ZNF608: variants seen among roughly 807,000 people sequenced by gnomAD.
ZNF608 encodes zinc finger protein 608, also known as renal carcinoma antigen NY-REN-36.
In ZNF608, 12 loss-of-function variants were observed where a neutral mutation model predicts 109.0. That is an observed-to-expected ratio of 0.11 (90% CI 0.07 to 0.18). The LOEUF is 0.18. Among genes scored for constraint, ZNF608 ranks in the 10% least tolerant of loss-of-function variants. ZNF608 has a pLI of 1.00. For missense variants in ZNF608, 1,707 were observed against 1,879.3 expected (o/e 0.91, Z 1.70); for synonymous variants, 732 against 717.4 (o/e 1.02, Z -0.33).
chr5:124,650,621 T>C (rs1274722152), intron 3 of ZNF608, among the ~76,000 whole-genome samples: 1 of 152,230 alleles, frequency 6.6e-6, no homozygotes, highest in Admixed American at 6.5e-5. Context: ...ATCCTCTTTA[T>C]TTCTGAGAGG....
chr5:124,640,185 C>G (rs1003465487), intron 8 of ZNF608, among the ~76,000 whole-genome samples: 2 of 152,168 alleles, frequency 1.3e-5, no homozygotes, highest in Non-Finnish European at 2.9e-5. Flanking sequence ...TATTATCTTA[C>G]TTTCTATTCA....
intron 2 of ZNF608, among the ~76,000 whole-genome samples, chr5:124,739,752 C>T (rs956301476): frequency 1.3e-5 from 2 of 152,164 alleles, no homozygotes; most frequent in Non-Finnish European, 2.9e-5. Flanking sequence ...AAAGAATACA[C>T]GCGCACACAC....
chr5:124,704,115 T>C (rs1753164222), intron 2 of ZNF608, among the ~76,000 whole-genome samples: 2 of 152,194 alleles, frequency 1.3e-5, no homozygotes, highest in African/African-American at 4.8e-5. Context: ...TCAACATGTT[T>C]TAAAATGAGA....
chr5:124,713,014 G>C (rs545064205), intron 2 of ZNF608, among the ~76,000 whole-genome samples: 1 of 152,106 alleles, frequency 6.6e-6, no homozygotes, highest in Non-Finnish European at 1.5e-5. Flanking sequence ...AATAACAAAA[G>C]TAATGGGGAT....
Position 124,644,530 on chromosome 5 carries a change from ACT to A in ZNF608, c.3835_3836del (p.Ser1279TrpfsTer13). The A allele has an allele frequency of 6.2e-7, 1 of 1,613,570 alleles. No homozygotes were observed. The highest frequency in any genetic ancestry group is 8.5e-7 in the Non-Finnish European group (1 of 1,179,870). On this transcript the variant is annotated frameshift_variant, in exon 6 of 10. Coordinates refer to ENST00000513986, the MANE Select transcript of ZNF608 (RefSeq NM_020747.3). LOFTEE classifies it high-confidence loss of function. ...DSPRKTPNKE[S>X]GVPSLPVSLT... The stretch of plus-strand genomic sequence containing the variant: ...ACGATACAGGAAGGCTGGGCACACC[ACT>A]CTCTTTATTAGGAGTTTTCCTCGGA...
chr5:124,653,124 TAAAG>T (rs1750863789), intron 3 of ZNF608, among the ~76,000 whole-genome samples: 1 of 152,184 alleles, frequency 6.6e-6, no homozygotes, highest in Admixed American at 6.5e-5. Context: ...TTATTACTAA[TAAAG>T]TAAGAATACA....
chr5:124,673,481 T>C (rs1334396649), intron 3 of ZNF608, among the ~76,000 whole-genome samples: 1 of 151,986 alleles, frequency 6.6e-6, no homozygotes, highest in Non-Finnish European at 1.5e-5. Context: ...TATTTCCTAG[T>C]AAAAAAAATG....
At chr5:124,702,107 C>A (rs924182182) in intron 2 of ZNF608, among the ~76,000 whole-genome samples, 2 of 152,216 alleles carry the variant, frequency 1.3e-5, no homozygotes, top group Admixed American at 6.5e-5. Context: ...CAAAAGAGTT[C>A]TTCATCACAA....
chr5:124,644,517 G>A lies in ZNF608; in HGVS notation c.3850C>T (p.Leu1284Phe), dbSNP rs1750406409. Residue 1284 changes from leucine (L) to phenylalanine (F), a missense_variant, in exon 6 of 10, where the codon CTT becomes TTT. Physicochemically the swap from Leu to Phe is conservative, Grantham distance 22. This residue lies in a region of ZNF608 where 1,073 missense variants were observed against 1,133.5 expected (regional missense o/e 0.95). Transcript: ENST00000513986. ...TPNKESGVPS[L>F]PVSLTSIKEE... ...TTAATGCTTGTTAACGATACAGGAA[G>A]GCTGGGCACACCACTCTCTTTATTA... is the stretch of plus-strand genomic sequence containing the variant. 6.2e-7 allele frequency: 1 copy of A among 1,613,960 alleles called. No individual in the cohort carries two copies. The highest frequency in any genetic ancestry group is 1.7e-5 in the Admixed American group (1 of 59,994).
chr5:124,744,071 G>A lies in ZNF608; in HGVS notation c.906+13C>T. ...AGGAGAGTAGGACATCTAGGAAGGCGACTTTATCCTACCTTCTCAGTTTTC... is the reference window on the plus strand; with the variant it reads ...AGGAGAGTAGGACATCTAGGAAGGCAACTTTATCCTACCTTCTCAGTTTTC... On this transcript the variant is annotated intron_variant, in intron 2 of 9. Transcript: ENST00000513986. The surrounding 1 kb of genome is among the most constrained non-coding windows in gnomAD (Gnocchi z 4.5). 2.6e-6 allele frequency: 4 copies of A among 1,565,840 alleles called. No individual in the cohort carries two copies. Among genetic ancestry groups the A allele is most frequent in the Non-Finnish European group, 3.5e-6 (4 of 1,155,986 alleles).
intron 2 of ZNF608, among the ~76,000 whole-genome samples, chr5:124,721,896 C>T (rs906790998): frequency 1.6e-4 from 20 of 128,184 alleles, no homozygotes; most frequent in Non-Finnish European, 2.5e-4. Context: ...GAGCCGAGAT[C>T]GTACCACTGC....
chr5:124,637,785 T>G lies in ZNF608; in HGVS notation c.*115A>C. 9.6e-7 allele frequency: 1 copy of G among 1,036,844 alleles called. No homozygotes were observed. Among genetic ancestry groups the G allele is most frequent in the Non-Finnish European group, 1.4e-6 (1 of 705,288 alleles). The allele number at this position is 1,036,844 out of a possible 1,614,324, so 64.2% of individuals were successfully genotyped here. ...AAATCTGTAATTTACAAAAATGAAATGACTGGTTTTTGCCTGCCATTAAGG... is the reference window on the plus strand; with the variant it reads ...AAATCTGTAATTTACAAAAATGAAAGGACTGGTTTTTGCCTGCCATTAAGG... On this transcript the variant is annotated 3_prime_UTR_variant, in exon 10 of 10. Transcript: ENST00000513986.
At chr5:124,656,492 G>T (rs1433337806) in intron 3 of ZNF608, among the ~76,000 whole-genome samples, 1 of 152,088 alleles carries the variant, frequency 6.6e-6, no homozygotes, top group Non-Finnish European at 1.5e-5. Context: ...TAGGAACAGG[G>T]TTTGTTTATG....
intron 3 of ZNF608, among the ~76,000 whole-genome samples, chr5:124,652,454 G>T (rs1750829986): frequency 6.6e-6 from 1 of 152,220 alleles, no homozygotes; most frequent in African/African-American, 2.4e-5. Flanking sequence ...AAATATGTGT[G>T]CTTGTGTCTA....
chr5:124,668,117 C>T (rs1476806917), intron 3 of ZNF608, among the ~76,000 whole-genome samples: 1 of 150,560 alleles, frequency 6.6e-6, no homozygotes, highest in Non-Finnish European at 1.5e-5. Flanking sequence ...TTTGGGAGGC[C>T]GAGGCAGGAG....
At chr5:124,695,619 AT>A (rs1182534079) in intron 3 of ZNF608, among the ~76,000 whole-genome samples, 5 of 151,738 alleles carry the variant, frequency 3.3e-5, no homozygotes. Context: ...ACAAAAAAAA[AT>A]GAGCTGGTGT....
At chr5:124,670,606 TA>T (rs1454876306) in intron 3 of ZNF608, among the ~76,000 whole-genome samples, 1 of 152,162 alleles carries the variant, frequency 6.6e-6, no homozygotes, top group Non-Finnish European at 1.5e-5. Flanking sequence ...TAACTCCACC[TA>T]ATCACCCTAC....
chr5:124,647,242 C>G lies in ZNF608; in HGVS notation c.3142G>C (p.Asp1048His), dbSNP rs1561532744. 6.2e-7 allele frequency: 1 copy of G among 1,614,244 alleles called. No individual in the cohort carries two copies. Among genetic ancestry groups the G allele is most frequent in the Non-Finnish European group, 8.5e-7 (1 of 1,180,042 alleles). ...GAATTGTGGTCCACTTTCTTAGAATCTAACTGCTCTGCCTTGTCTTTCTTT... is the reference window on the plus strand; with the variant it reads ...GAATTGTGGTCCACTTTCTTAGAATGTAACTGCTCTGCCTTGTCTTTCTTT... ...AEKKDKAEQL[D>H]SKKVDHNSAS... Residue 1048 changes from aspartate to histidine, a missense_variant, in exon 5 of 10, where the codon GAT becomes CAT. Around this residue, in one of 7 missense-constraint regions of ZNF608, gnomAD observed 1,073 missense variants for 1,133.5 expected, o/e 0.95. Coordinates refer to ENST00000513986, the MANE Select transcript of ZNF608 (RefSeq NM_020747.3).
At chr5:124,673,462 C>A (rs1225962534) in intron 3 of ZNF608, among the ~76,000 whole-genome samples, 1 of 152,124 alleles carries the variant, frequency 6.6e-6, no homozygotes, top group African/African-American at 2.4e-5. Flanking sequence ...TGGTCTTAAA[C>A]TTTTAATTTA....
Sources: allele counts gnomAD v4.1 joint callset (sites outside exome capture counted in the v4.1 genomes callset), GRCh38; gene constraint gnomAD v4.1.1; regional missense constraint gnomAD v4.1.1; non-coding constraint Gnocchi (gnomAD v3.1); transcripts MANE v1.5; gene names NCBI Gene and HGNC (gene_info 2026-07-23, HGNC 2026-07-21).